Variants in UHRF2 observed in about 807,000 individuals in gnomAD.
UHRF2 encodes ubiquitin like with PHD and ring finger domains 2.
UHRF2 carries 23 observed loss-of-function variants against 96.8 expected under a neutral mutation model. The ratio of observed to expected loss-of-function variants is 0.24; its 90% CI spans 0.17 to 0.34. The LOEUF is 0.34. UHRF2 is among the 10% of genes least tolerant of loss of function. UHRF2 has a pLI of 1.00. For missense variants in UHRF2, 685 were observed against 981.5 expected, an observed-to-expected ratio of 0.70 and a Z score of 4.04; for synonymous variants, 385 against 332.6, an observed-to-expected ratio of 1.16 and a Z score of -1.72.
intron 3 of UHRF2, among the ~76,000 whole-genome samples, chr9:6,451,361 C>T (rs1026087164): frequency 1.3e-5 from 2 of 152,094 alleles, no homozygotes; most frequent in African/African-American, 4.8e-5. Context: ...AATTATGTGA[C>T]ACATTACATA....
rs565697345 is a variant in UHRF2 at position 6,489,361 on chromosome 9, G to C, written c.1497+2436G>C. 1.1e-3 allele frequency among the ~76,000 whole-genome samples: 170 copies of C among 152,328 alleles called. 1 individual carries two copies. The highest frequency in any genetic ancestry group is 3.9e-3 in the African/African-American group (163 of 41,584). ...TGAGTTTTTAGCTATTACAGATAAA[G>C]CTACAGTAAATATTTGTGAACAGGT... On this transcript the variant is annotated intron_variant, in intron 9 of 15. Coordinates refer to ENST00000276893, the MANE Select transcript of UHRF2 (RefSeq NM_152896.3).
intron 3 of UHRF2, among the ~76,000 whole-genome samples, chr9:6,435,458 T>C (rs562749675): frequency 9.8e-5 from 15 of 152,292 alleles, no homozygotes; most frequent in African/African-American, 3.4e-4. Flanking sequence ...TTTATTGAGA[T>C]AGTTCACATA....
intron 4 of UHRF2, among the ~76,000 whole-genome samples, chr9:6,466,533 C>CTT (rs1031523462): frequency 2.0e-4 from 21 of 105,006 alleles, no homozygotes; most frequent in Middle Eastern, 0.016. Context: ...GAGTGAGACT[C>CTT]TATCTCAAAA....
At chr9:6,415,541 T>C (rs1341223010) in intron 1 of UHRF2, 1 of 152,226 alleles carries the variant, frequency 6.6e-6, no homozygotes, top group Non-Finnish European at 1.5e-5. Context: ...ACTACTGGAA[T>C]GGCATCACAG....
chr9:6,503,405 G>A (rs972230157), intron 14 of UHRF2, among the ~76,000 whole-genome samples: 1 of 149,826 alleles, frequency 6.7e-6, no homozygotes, highest in Non-Finnish European at 1.5e-5. Context: ...TTTCCTTCTA[G>A]CTTAAAAAAA....
At chr9:6,469,894 A>T (rs770653959) in intron 4 of UHRF2, among the ~76,000 whole-genome samples, 1 of 152,050 alleles carries the variant, frequency 6.6e-6, no homozygotes, top group Non-Finnish European at 1.5e-5. Context: ...CTGATTAAAG[A>T]TACAAGTTCA....
intron 4 of UHRF2, among the ~76,000 whole-genome samples, chr9:6,462,913 T>G (rs1192576652): frequency 2.0e-5 from 3 of 149,694 alleles, no homozygotes; most frequent in Non-Finnish European, 3.0e-5. Context: ...CGAGACTCTG[T>G]CTAAAAAAAA....
chr9:6,424,028 G>A (rs371604797), intron 2 of UHRF2, among the ~76,000 whole-genome samples: 34 of 151,976 alleles, frequency 2.2e-4, no homozygotes, highest in African/African-American at 6.5e-4. Flanking sequence ...ATTCTATACC[G>A]GTATTCCCTT....
At chr9:6,494,292 G>A (rs1384775255) in intron 10 of UHRF2, 1 of 187,330 alleles carries the variant, frequency 5.3e-6, no homozygotes, top group Admixed American at 5.9e-5. Flanking sequence ...AGTAAACTCA[G>A]TAATTTGAAA....
rs182726376 is a variant in UHRF2, at chr9:6,504,640, G to A, written c.2211G>A (p.Gln737=). 5.6e-6 allele frequency: 9 copies of A among 1,613,860 alleles called. No homozygotes were observed. In the Admixed American group the frequency reaches 1.5e-4, roughly 27 times the overall value. ...AATCTTTTATGTGCGTTTGCTGTCAGGAGCTAGTTTACCAGCCTGTGACAA... is the reference window on the plus strand; with the variant it reads ...AATCTTTTATGTGCGTTTGCTGTCAAGAGCTAGTTTACCAGCCTGTGACAA... The part of the protein sequence containing the change: ...LEQSFMCVCC[Q]ELVYQPVTTE... The change falls in exon 15 of 16, where the codon CAG becomes CAA. Residue 737 remains glutamine (Q), a synonymous_variant. Transcript: ENST00000276893.
chr9:6,453,686 C>T (rs763294176), intron 3 of UHRF2, among the ~76,000 whole-genome samples: 8 of 152,062 alleles, frequency 5.3e-5, no homozygotes, highest in African/African-American at 9.7e-5. Context: ...GGGCAGATCA[C>T]GGGGTCAGGA....
intron 3 of UHRF2, among the ~76,000 whole-genome samples, chr9:6,437,480 A>G (rs751515813): frequency 6.6e-6 from 1 of 152,140 alleles, no homozygotes; most frequent in Non-Finnish European, 1.5e-5. Flanking sequence ...TGATCCACCT[A>G]CCTCAACCTC....
At chr9:6,473,259 G>T (rs1823359420) in intron 4 of UHRF2, among the ~76,000 whole-genome samples, 1 of 152,160 alleles carries the variant, frequency 6.6e-6, no homozygotes, top group Admixed American at 6.5e-5. Context: ...AATAAAGTGG[G>T]TTGAGACATA....
At chr9:6,426,000 G>A (rs140612271) in intron 2 of UHRF2, among the ~76,000 whole-genome samples, 1 of 152,130 alleles carries the variant, frequency 6.6e-6, no homozygotes, top group East Asian at 1.9e-4. Flanking sequence ...TGATTGTTTG[G>A]GCATTGACAG....
intron 4 of UHRF2, among the ~76,000 whole-genome samples, chr9:6,464,692 T>C (rs181717165): frequency 6.6e-6 from 1 of 152,342 alleles, no homozygotes; most frequent in Admixed American, 6.5e-5. Flanking sequence ...ATCTTCAGTA[T>C]CACCTCTGTC....
chr9:6,433,120 C>T (rs868144420), intron 2 of UHRF2, among the ~76,000 whole-genome samples: 1 of 152,208 alleles, frequency 6.6e-6, no homozygotes, highest in African/African-American at 2.4e-5. Context: ...CAGTGTGAGC[C>T]ACCATGCCTG....
At chr9:6,480,880 T>C (rs1477010138) in intron 6 of UHRF2, among the ~76,000 whole-genome samples, 1 of 152,218 alleles carries the variant, frequency 6.6e-6, no homozygotes. Context: ...CTTGTGGGCA[T>C]AGTCTTCTTT....
intron 3 of UHRF2, among the ~76,000 whole-genome samples, chr9:6,454,894 A>C (rs185312270): frequency 6.6e-6 from 1 of 152,202 alleles, no homozygotes; most frequent in African/African-American, 2.4e-5. Context: ...GGGGATTTGT[A>C]AATGTAGATT....
chr9:6,482,003 T>C lies in UHRF2; in HGVS notation c.1296T>C (p.Cys432=). 6.2e-7 allele frequency: 1 copy of C among 1,613,852 alleles called. No individual in the cohort carries two copies. The highest frequency in any genetic ancestry group is 8.5e-7 in the Non-Finnish European group (1 of 1,179,880). Residue 432 remains cysteine (C), a synonymous_variant, in exon 8 of 16, where the codon TGT becomes TGC. Transcript: ENST00000276893. ...TTTGCGTCTTGTAGGGAATGGCTTG[T>C]GTTGGTCGTACGAGAGAATGTACTA... ...SRRDWGRGMA[C]VGRTRECTIV... is the part of the protein sequence containing the mutation.
Sources: gnomAD v4.1 joint callset for allele counts (sites outside exome capture counted in the v4.1 genomes callset) on GRCh38, gnomAD v4.1.1 for gene constraint, MANE v1.5 for transcripts, NCBI Gene and HGNC (gene_info 2026-07-23, HGNC 2026-07-21) for gene names.